Variants in CRTAC1 observed in about 807,000 individuals in gnomAD.
The protein encoded by CRTAC1 is cartilage acidic protein 1.
A neutral mutation model predicts 67.8 loss-of-function variants in CRTAC1; 37 were observed. The observed-to-expected ratio is 0.55, with a 90% CI of 0.42 to 0.72. The LOEUF (loss-of-function observed/expected upper bound fraction) is 0.72. Among genes scored for constraint, CRTAC1 ranks in the 30% least tolerant of loss-of-function variants. The pLI, the probability that CRTAC1 is intolerant of heterozygous loss-of-function variation, is 0.00. For synonymous variants in CRTAC1, 348 were observed against 371.0 expected (o/e 0.94, Z 0.71); for missense variants, 780 against 931.6 (o/e 0.84, Z 2.12).
chr10:98,007,493 C>A (rs574765091), intron 2 of CRTAC1, among the ~76,000 whole-genome samples: 1 of 152,226 alleles, frequency 6.6e-6, no homozygotes, highest in African/African-American at 2.4e-5. Flanking sequence ...ACAACAGCCA[C>A]AAAGAAAGCC....
chr10:97,963,067 C>T (rs1460196937), intron 2 of CRTAC1, among the ~76,000 whole-genome samples: 1 of 151,954 alleles, frequency 6.6e-6, no homozygotes, highest in Admixed American at 6.5e-5. Flanking sequence ...TAGCAGGACC[C>T]CAAAGTTGTG....
At chr10:97,889,499 C>T (rs933302339) in intron 11 of CRTAC1, among the ~76,000 whole-genome samples, 19 of 151,826 alleles carry the variant, frequency 1.3e-4, no homozygotes, top group Non-Finnish European at 1.8e-4. Context: ...AGAAGGGACC[C>T]CACAGCAAGA....
At position 98,015,462 on chromosome 10, in the gene CRTAC1, A is replaced by C. The variant is rs114229998; in HGVS notation, c.25-4125T>G. Among the ~76,000 whole-genome samples the C allele has an allele frequency of 2.0e-3, 312 of 152,368 alleles. 4 individuals carry two copies. The highest frequency in any genetic ancestry group is 0.01 in the Middle Eastern group (3 of 294). ...GTACAACAATGTTAACGTACATAAC[A>C]TCACTAAAGTATATACTTAAATATG... On this transcript the variant is annotated intron_variant, in intron 1 of 14. Transcript: ENST00000370597.
intron 11 of CRTAC1, among the ~76,000 whole-genome samples, chr10:97,884,931 G>A (rs2050260505): frequency 6.6e-6 from 1 of 152,226 alleles, no homozygotes; most frequent in Admixed American, 6.5e-5. Flanking sequence ...CAGCTAACTG[G>A]CTTTGTTATC....
Position 97,933,619 on chromosome 10 carries a change from C to T in CRTAC1, c.421+2551G>A, listed in dbSNP as rs550269479. ...GGATTGGGAGAGGGGACTCAGATAC[C>T]CGGAGAAACACAAGGCCGTGTTGAG... On this transcript the variant is annotated intron_variant, in intron 3 of 14. Coordinates refer to ENST00000370597, the MANE Select transcript of CRTAC1 (RefSeq NM_018058.7). 2.7e-4 allele frequency among the ~76,000 whole-genome samples: 41 copies of T among 152,304 alleles called. 1 individual carries two copies. In the South Asian group the frequency reaches 8.5e-3, roughly 32 times the overall value.
chr10:97,899,319 C>A (rs901203350), intron 8 of CRTAC1, among the ~76,000 whole-genome samples: 1 of 152,212 alleles, frequency 6.6e-6, no homozygotes, highest in Admixed American at 6.5e-5. Context: ...TGGGCAGCCA[C>A]GTGGTGACTT....
chr10:97,974,623 C>A (rs2051768861), intron 2 of CRTAC1, among the ~76,000 whole-genome samples: 2 of 152,112 alleles, frequency 1.3e-5, no homozygotes, highest in African/African-American at 4.8e-5. Context: ...CCGTTTAACT[C>A]CTTGAAGATA....
chr10:97,898,923 A>C (rs1316226400), intron 8 of CRTAC1, among the ~76,000 whole-genome samples: 1 of 152,056 alleles, frequency 6.6e-6, no homozygotes, highest in Non-Finnish European at 1.5e-5. Flanking sequence ...GTAATTATTA[A>C]GAGGGCTCCC....
At chr10:97,999,599 G>A (rs1842648991) in intron 2 of CRTAC1, among the ~76,000 whole-genome samples, 1 of 152,224 alleles carries the variant, frequency 6.6e-6, no homozygotes, top group Non-Finnish European at 1.5e-5. Flanking sequence ...GCAGCAGGAG[G>A]CAGACAGGTT....
chr10:97,941,597 C>T (rs575869937), intron 2 of CRTAC1, among the ~76,000 whole-genome samples: 8 of 152,264 alleles, frequency 5.3e-5, no homozygotes, highest in African/African-American at 1.4e-4. Context: ...ATACTAAGGC[C>T]AGGAACCTGC....
chr10:97,929,863 G>C (rs1028499573), intron 3 of CRTAC1, among the ~76,000 whole-genome samples: 4 of 152,184 alleles, frequency 2.6e-5, no homozygotes, highest in African/African-American at 9.7e-5. Context: ...AAGTATAAAA[G>C]GCTTTATAAG....
chr10:97,927,644 T>C (rs942646870), intron 3 of CRTAC1, among the ~76,000 whole-genome samples: 1 of 152,126 alleles, frequency 6.6e-6, no homozygotes, highest in South Asian at 2.1e-4. Flanking sequence ...ATAAACTAAT[T>C]AAGGTAAAAT....
chr10:97,898,658 A>AGG (rs2050493603), intron 8 of CRTAC1, among the ~76,000 whole-genome samples: 1 of 152,134 alleles, frequency 6.6e-6, no homozygotes. Flanking sequence ...TCGGTGGGAA[A>AGG]GGGGTGTGGC....
chr10:97,901,824 C>T (rs1056296519), intron 7 of CRTAC1, among the ~76,000 whole-genome samples, 185 bp from the exon 8 acceptor site: 3 of 152,166 alleles, frequency 2.0e-5, no homozygotes, highest in Non-Finnish European at 2.9e-5. Flanking sequence ...GCTGCTTGTA[C>T]GAGAAGAAGG....
At chr10:98,018,052 A>C (rs1360772086) in intron 1 of CRTAC1, among the ~76,000 whole-genome samples, 1 of 151,536 alleles carries the variant, frequency 6.6e-6, no homozygotes, top group African/African-American at 2.4e-5. Flanking sequence ...CAACAAAATT[A>C]GCTGGGTGTG....
intron 2 of CRTAC1, among the ~76,000 whole-genome samples, chr10:97,941,535 A>G (rs2051176411): frequency 6.6e-6 from 1 of 152,116 alleles, no homozygotes; most frequent in African/African-American, 2.4e-5. Flanking sequence ...GAACATGTTC[A>G]AAGTGGAGCT....
chr10:97,955,892 G>A (rs1411066910), intron 2 of CRTAC1, among the ~76,000 whole-genome samples: 5 of 152,208 alleles, frequency 3.3e-5, no homozygotes, highest in African/African-American at 4.8e-5. Context: ...TGCAAAGGTT[G>A]AACACCACAG....
In CRTAC1 at chr10:98,002,761, C is replaced by CTTTTTTTTTT. The variant is rs531021933; in HGVS notation, c.224+8367_224+8376dup. On this transcript the variant is annotated intron_variant, in intron 2 of 14. Transcript: ENST00000370597. ...TTTTAGGAATTCTTTACAAAACTCA[C>CTTTTTTTTTT]TTTTTTTTTTTTTTTTTTTTTTTTT... Among the ~76,000 whole-genome samples the CTTTTTTTTTT allele has an allele frequency of 1.3e-4, 5 of 37,268 alleles. 1 individual carries two copies. The highest frequency in any genetic ancestry group is 1.6e-4 in the African/African-American group (2 of 12,462). The allele number at this position is 37,268 out of a possible 152,430, so 24.4% of individuals were successfully genotyped here.
chr10:97,898,188 T>C (rs1207932434), intron 8 of CRTAC1, among the ~76,000 whole-genome samples: 2 of 152,212 alleles, frequency 1.3e-5, no homozygotes, highest in Non-Finnish European at 2.9e-5. Flanking sequence ...ATTGAACACA[T>C]TCTTAGGCAG....
Sources: gnomAD v4.1 joint callset for allele counts (sites outside exome capture counted in the v4.1 genomes callset) on GRCh38, gnomAD v4.1.1 for gene constraint, MANE v1.5 for transcripts, NCBI Gene and HGNC (gene_info 2026-07-23, HGNC 2026-07-21) for gene names.